Variants in PADI3 observed in about 807,000 individuals in gnomAD.
PADI3 encodes the protein peptidyl arginine deiminase 3.
PADI3 carries 53 observed loss-of-function variants against 71.5 expected under a neutral mutation model. That is an observed-to-expected ratio of 0.74 (90% CI 0.59 to 0.93). The LOEUF (loss-of-function observed/expected upper bound fraction) is 0.93, where lower values mean the gene tolerates loss of function less well. Ranked by LOEUF, PADI3 falls within the 40% of genes least tolerant of loss-of-function variation. The pLI is 0.00. For synonymous variants in PADI3, 361 were observed against 347.5 expected (o/e 1.04, Z -0.43); for missense variants, 821 against 868.0 (o/e 0.95, Z 0.68).
intron 13 of PADI3, 76 bp from the exon 14 acceptor site, chr1:17,280,274 C>A: frequency 8.6e-7 from 1 of 1,161,040 alleles, no homozygotes. Context: ...TGGCTCCTGC[C>A]TGTCTGCTTC....
chr1:17,268,539 G>A (rs113371046), intron 6 of PADI3, among the ~76,000 whole-genome samples: 6,111 of 116,270 alleles, frequency 0.053, 133 homozygotes, highest in Middle Eastern at 0.09. Flanking sequence ...ACAGAGTCTC[G>A]CTCTGTTGCT....
chr1:17,278,869 C>T (rs907958023), intron 13 of PADI3, among the ~76,000 whole-genome samples: 3 of 152,142 alleles, frequency 2.0e-5, no homozygotes, highest in East Asian at 3.9e-4. Context: ...TCCAAAGTCC[C>T]CTTGCTCTCT....
intron 13 of PADI3, 43 bp downstream of exon 13, chr1:17,276,919 C>T (rs751314884): frequency 6.6e-7 from 1 of 1,520,594 alleles, no homozygotes; most frequent in Non-Finnish European, 9.0e-7. Flanking sequence ...TTGCCTGCCC[C>T]TTACCCAAAT....
At chr1:17,264,130 C>T (rs1481000147) in intron 3 of PADI3, among the ~76,000 whole-genome samples, 2 of 152,214 alleles carry the variant, frequency 1.3e-5, no homozygotes, top group Non-Finnish European at 2.9e-5. Context: ...GCTTTGCCAA[C>T]ACTGCATTAG....
At chr1:17,273,657 A>G (rs1301139123) in intron 10 of PADI3, among the ~76,000 whole-genome samples, 4 of 152,142 alleles carry the variant, frequency 2.6e-5, no homozygotes, top group Admixed American at 1.3e-4. Context: ...CGTCCCAAAT[A>G]TTGCATGGGA....
chr1:17,259,262 G>A lies in PADI3; in HGVS notation c.93-316G>A, dbSNP rs561710843. Among the ~76,000 whole-genome samples, 184 of 152,270 alleles carry A rather than the reference G, an allele frequency of 1.2e-3. 1 individual carries two copies. The highest frequency in any genetic ancestry group is 4.2e-3 in the African/African-American group (174 of 41,540). On this transcript the variant is annotated intron_variant, in intron 1 of 15. Coordinates refer to ENST00000375460, the MANE Select transcript of PADI3 (RefSeq NM_016233.2). ...TTTCTTGTATTTTTAGTAGAGACAG[G>A]GTTTCACCATGTTGGCCAGGCTCGA...
intron 5 of PADI3, 130 bp downstream of exon 5, chr1:17,266,966 C>G: frequency 1.4e-6 from 1 of 712,874 alleles, no homozygotes; most frequent in Admixed American, 2.1e-5. Flanking sequence ...AGACACACCT[C>G]GATGCTCCTC....
At chr1:17,277,193 T>C (rs1372181007) in intron 13 of PADI3, among the ~76,000 whole-genome samples, 7 of 100,922 alleles carry the variant, frequency 6.9e-5, no homozygotes, top group Non-Finnish European at 2.1e-5. Context: ...GAAATCTCCC[T>C]TTTTTTTTTT....
chr1:17,266,281 AGAG>A lies in PADI3; in HGVS notation c.409-434_409-432del, dbSNP rs2073167582. Reference sequence around the variant, plus strand: ...TTGGAACTTGGTGCCCTGGGAGTTAAGAGGAGAAGGTCGAGGTGGGCTGGGTGG... The same window carrying A: ...TTGGAACTTGGTGCCCTGGGAGTTAAGAGAAGGTCGAGGTGGGCTGGGTGG... On this transcript the variant is annotated intron_variant, in intron 4 of 15. Transcript: ENST00000375460. Among the ~76,000 whole-genome samples, 3 of 152,302 alleles carry A rather than the reference AGAG, an allele frequency of 2.0e-5. No individual in the cohort carries two copies. The South Asian group carries it at 6.2e-4, about 32-fold the overall frequency.
At chr1:17,252,552 C>T (rs1281467028) in intron 1 of PADI3, among the ~76,000 whole-genome samples, 1 of 152,068 alleles carries the variant, frequency 6.6e-6, no homozygotes, top group Non-Finnish European at 1.5e-5. Flanking sequence ...TACAGGCGTG[C>T]ACCACCATCC....
intron 1 of PADI3, among the ~76,000 whole-genome samples, chr1:17,255,991 C>T (rs1244822362): frequency 6.6e-6 from 1 of 152,122 alleles, no homozygotes; most frequent in Non-Finnish European, 1.5e-5. Flanking sequence ...GCGCTGGCTC[C>T]CCATTACATA....
At chr1:17,271,944 C>T (rs1306534965) in intron 9 of PADI3, among the ~76,000 whole-genome samples, 1 of 152,064 alleles carries the variant, frequency 6.6e-6, no homozygotes, top group East Asian at 1.9e-4. Context: ...GCAGCATCAC[C>T]TCTGCCCAGG....
At chr1:17,279,316 G>A (rs1450702033) in intron 13 of PADI3, among the ~76,000 whole-genome samples, 3 of 152,210 alleles carry the variant, frequency 2.0e-5, no homozygotes, top group South Asian at 2.1e-4. Context: ...TGCATCACAC[G>A]TGTTATCTCA....
chr1:17,252,952 C>T (rs2072984563), intron 1 of PADI3, among the ~76,000 whole-genome samples: 5 of 152,180 alleles, frequency 3.3e-5, no homozygotes, highest in Admixed American at 2.6e-4. Context: ...AGTCCCCAGG[C>T]TGGTTCAGTG....
chr1:17,280,969 C>T (rs537107841), intron 15 of PADI3, among the ~76,000 whole-genome samples, 173 bp downstream of exon 15: 1 of 152,336 alleles, frequency 6.6e-6, no homozygotes, highest in African/African-American at 2.4e-5. Flanking sequence ...TGGCTGACCA[C>T]CATGGTCCCT....
intron 1 of PADI3, among the ~76,000 whole-genome samples, chr1:17,256,117 A>T (rs1569879007): frequency 6.6e-6 from 1 of 151,966 alleles, no homozygotes; most frequent in African/African-American, 2.4e-5. Flanking sequence ...TCCCTGGGGA[A>T]CCTGCCCCAG....
rs141411323 is a variant in PADI3 at position 17,271,158 on chromosome 1, C to T, written c.1027C>T (p.Arg343Cys). The change falls in exon 9 of 16, where the codon CGC becomes TGC. Residue 343 changes from arginine (R) to cysteine (C), a missense_variant. Arg to Cys is a radical substitution (Grantham distance 180). Transcript: ENST00000375460. ...KLTICPQAEN[R>C]NDRWIQDEME... ...GACCATCTGCCCACAGGCCGAGAAC[C>T]GCAACGACCGCTGGATCCAGGTAAC... The T allele has an allele frequency of 2.2e-5, 36 of 1,613,176 alleles. No homozygotes were observed. The highest frequency in any genetic ancestry group is 6.6e-5 in the South Asian group (6 of 91,060).
chr1:17,250,093 C>G (rs1211405478), intron 1 of PADI3, among the ~76,000 whole-genome samples: 2 of 152,160 alleles, frequency 1.3e-5, no homozygotes, highest in African/African-American at 2.4e-5. Context: ...GTTTTAAGAG[C>G]TGGGCTCTGG....
rs1025280972 is a variant in PADI3 at position 17,275,829 on chromosome 1, C to A, written c.1308-690C>A. 6.6e-5 allele frequency among the ~76,000 whole-genome samples: 10 copies of A among 152,184 alleles called. No homozygotes were observed. The East Asian group carries it at 1.9e-3, about 29-fold the overall frequency. On this transcript the variant is annotated intron_variant, in intron 11 of 15. Transcript: ENST00000375460. ...ACTACTGCCCTCAAATACATAATCC[C>A]ATTGAAAGAGGAAGCTGGACCATGC...
Sources: allele counts gnomAD v4.1 joint callset (sites outside exome capture counted in the v4.1 genomes callset), GRCh38; gene constraint gnomAD v4.1.1; transcripts MANE v1.5; gene names NCBI Gene and HGNC (gene_info 2026-07-23, HGNC 2026-07-21).